Variants in FREM2 observed in about 807,000 individuals in gnomAD.
The protein encoded by FREM2 is FRAS1 related extracellular matrix 2.
In FREM2, 119 loss-of-function variants were observed where a neutral mutation model predicts 219.9. That is an observed-to-expected ratio of 0.54 (90% CI 0.47 to 0.63). The LOEUF (loss-of-function observed/expected upper bound fraction) is 0.63, where lower values mean the gene tolerates loss of function less well. FREM2 is among the 30% of genes least tolerant of loss of function. The pLI is 0.00. For synonymous variants in FREM2, 1,562 were observed against 1,522.8 expected (o/e 1.03, Z -0.60); for missense variants, 4,030 against 3,993.6 (o/e 1.01, Z -0.25).
intron 11 of FREM2, among the ~76,000 whole-genome samples, chr13:38,853,419 T>C (rs1205153541): frequency 1.3e-5 from 2 of 152,120 alleles, no homozygotes; most frequent in East Asian, 3.9e-4. Context: ...CAATATTACA[T>C]TTATGAATTA....
chr13:38,847,865 A>G (rs1877222084), intron 7 of FREM2, among the ~76,000 whole-genome samples: 1 of 152,200 alleles, frequency 6.6e-6, no homozygotes, highest in African/African-American at 2.4e-5. Context: ...TATCAACACT[A>G]GATATAACCC....
chr13:38,708,611 G>A (rs1016960946), intron 2 of FREM2, among the ~76,000 whole-genome samples: 7 of 151,990 alleles, frequency 4.6e-5, no homozygotes, highest in African/African-American at 1.4e-4. Flanking sequence ...CTGAGATTGC[G>A]CCACTGCACC....
intron 1 of FREM2, among the ~76,000 whole-genome samples, chr13:38,695,152 T>A (rs1870054265): frequency 6.6e-6 from 1 of 152,218 alleles, no homozygotes; most frequent in African/African-American, 2.4e-5. Context: ...ACTACTTTTG[T>A]GTCTTAAGAA....
intron 23 of FREM2, 148 bp from the exon 24 acceptor site, chr13:38,880,136 A>G (rs1039949515): frequency 4.9e-6 from 4 of 822,106 alleles, no homozygotes; most frequent in Non-Finnish European, 8.1e-6. Flanking sequence ...CCTTGCACCT[A>G]GTACTCATTC....
intron 12 of FREM2, 75 bp from the exon 13 acceptor site, chr13:38,857,800 A>C: frequency 7.8e-7 from 1 of 1,283,796 alleles, no homozygotes; most frequent in Non-Finnish European, 1.1e-6. Flanking sequence ...AGGGATCGTG[A>C]GTATTGTTCT....
intron 16 of FREM2, among the ~76,000 whole-genome samples, chr13:38,866,800 C>A (rs896228734): frequency 1.3e-5 from 2 of 152,238 alleles, no homozygotes; most frequent in Non-Finnish European, 2.9e-5. Context: ...CGTCTTTTGT[C>A]CATGTTACAC....
chr13:38,719,313 T>G (rs1013240344), intron 2 of FREM2, among the ~76,000 whole-genome samples: 5 of 152,180 alleles, frequency 3.3e-5, no homozygotes, highest in Admixed American at 6.5e-5. Flanking sequence ...CTCCGCCTCC[T>G]AGGTTCAAGT....
At position 38,859,564 on chromosome 13, in the gene FREM2, C is replaced by G. The variant is rs1255753649; in HGVS notation, c.7493C>G (p.Pro2498Arg). The G allele has an allele frequency of 2.5e-6, 4 of 1,613,970 alleles. No individual in the cohort carries two copies. The highest frequency in any genetic ancestry group is 1.1e-5 in the South Asian group (1 of 91,040). Residue 2498 changes from proline (P) to arginine (R), a missense_variant, in exon 14 of 24, where the codon CCT (proline) becomes CGT (arginine). Physicochemically the swap from Pro to Arg is moderately radical, Grantham distance 103. Transcript: ENST00000280481. ...NGDEGLELMS[P>R]IVTISREEGL... ...GATGAAGGCCTGGAGCTCATGAGCCCTATTGTAACCATCAGCAGAGAAGAA... is the reference window on the plus strand; with the variant it reads ...GATGAAGGCCTGGAGCTCATGAGCCGTATTGTAACCATCAGCAGAGAAGAA...
intron 6 of FREM2, among the ~76,000 whole-genome samples, chr13:38,837,552 C>G (rs1876760765): frequency 6.6e-6 from 1 of 152,068 alleles, no homozygotes; most frequent in South Asian, 2.1e-4. Flanking sequence ...TAAAGTCTCC[C>G]ACTATTATTG....
rs751649473 is a variant in FREM2, at chr13:38,856,159, T to G, written c.6959T>G (p.Val2320Gly). The G allele has an allele frequency of 5.9e-5, 95 of 1,611,354 alleles. No homozygotes were observed. The highest frequency in any genetic ancestry group is 7.3e-5 in the Non-Finnish European group (86 of 1,177,936). ...IEFKEGETQH[V>G]VEIEVTFDGV... ...TTTAAGGAAGGGGAAACCCAGCACG[T>G]GGTTGAAATCGAAGTTACCTTTGAC... Residue 2320 changes from valine (V) to glycine (G), a missense_variant, in exon 12 of 24, where the codon GTG (valine) becomes GGG (glycine). Val to Gly is a moderately radical substitution (Grantham distance 109, BLOSUM62 -3). Around this residue, in one of 2 missense-constraint regions of FREM2, gnomAD observed 3,102 missense variants for 2,950.7 expected, o/e 1.05. Transcript: ENST00000280481.
chr13:38,687,605 C>T lies in FREM2; in HGVS notation c.261C>T (p.Val87=). The T allele has an allele frequency of 2.5e-6, 4 of 1,609,416 alleles. No homozygotes were observed. The highest frequency in any genetic ancestry group is 2.5e-6 in the Non-Finnish European group (3 of 1,178,116). The part of the protein sequence containing the change: ...RGLRVPFGRE[V]WLDPLHDLVL... ...TCCGGGTGCCTTTCGGCCGTGAAGTCTGGCTGGATCCCCTGCATGACCTGG... is the reference window on the plus strand; with the variant it reads ...TCCGGGTGCCTTTCGGCCGTGAAGTTTGGCTGGATCCCCTGCATGACCTGG... The change falls in exon 1 of 24, where the codon GTC becomes GTT. Residue 87 remains valine (V), a synonymous_variant. Coordinates refer to ENST00000280481, the MANE Select transcript of FREM2 (RefSeq NM_207361.6).
intron 6 of FREM2, among the ~76,000 whole-genome samples, chr13:38,787,647 A>G (rs1484389980): frequency 6.6e-6 from 1 of 151,992 alleles, no homozygotes; most frequent in African/African-American, 2.4e-5. Flanking sequence ...CTGGTAGTGT[A>G]ATGATTGAGA....
intron 6 of FREM2, among the ~76,000 whole-genome samples, chr13:38,811,492 G>A (rs1875473627): frequency 6.6e-6 from 1 of 151,958 alleles, no homozygotes; most frequent in East Asian, 1.9e-4. Flanking sequence ...GTTTTGGTAT[G>A]TTGTGTTTCC....
chr13:38,709,365 G>A (rs1870670031), intron 2 of FREM2, among the ~76,000 whole-genome samples: 1 of 152,024 alleles, frequency 6.6e-6, no homozygotes, highest in Non-Finnish European at 1.5e-5. Flanking sequence ...GATGTATATA[G>A]CAATATATTG....
At chr13:38,825,218 C>T (rs1357136778) in intron 6 of FREM2, among the ~76,000 whole-genome samples, 7 of 152,176 alleles carry the variant, frequency 4.6e-5, no homozygotes, top group Middle Eastern at 3.4e-3. Context: ...AGACTAAGAA[C>T]TCTTCGAAAA....
intron 6 of FREM2, among the ~76,000 whole-genome samples, chr13:38,841,372 A>G (rs959919302): frequency 6.6e-6 from 1 of 152,182 alleles, no homozygotes; most frequent in African/African-American, 2.4e-5. Context: ...CGGTTTTGCC[A>G]TGAACCTAAA....
At chr13:38,792,737 T>TA (rs1278225767) in intron 6 of FREM2, among the ~76,000 whole-genome samples, 2 of 151,218 alleles carry the variant, frequency 1.3e-5, no homozygotes, top group South Asian at 2.1e-4. Flanking sequence ...AGGCAGCTAA[T>TA]ATTCACTCAT....
chr13:38,720,735 C>T, intron 2 of FREM2, among the ~76,000 whole-genome samples: 1 of 152,058 alleles, frequency 6.6e-6, no homozygotes, highest in Non-Finnish European at 1.5e-5. Flanking sequence ...ATGACAGAGT[C>T]TAAAGAAACC....
intron 2 of FREM2, among the ~76,000 whole-genome samples, chr13:38,706,033 C>A (rs1018683438): frequency 6.6e-6 from 1 of 152,170 alleles, no homozygotes; most frequent in Non-Finnish European, 1.5e-5. Flanking sequence ...CTAATATTTT[C>A]ATTACAAAAA....
Sources: allele counts gnomAD v4.1 joint callset (sites outside exome capture counted in the v4.1 genomes callset), GRCh38; gene constraint gnomAD v4.1.1; regional missense constraint gnomAD v4.1.1; transcripts MANE v1.5; gene names NCBI Gene and HGNC (gene_info 2026-07-23, HGNC 2026-07-21).